The following XYLT1 variants were observed in gnomAD, a reference collection of about 807,000 sequenced individuals.
The protein encoded by XYLT1 is xylosyltransferase 1.
Under a neutral mutation model 91.3 loss-of-function variants are expected in XYLT1, and 36 were observed. The observed-to-expected ratio is 0.39, with a 90% CI of 0.30 to 0.52. The LOEUF is 0.52. Among genes scored for constraint, XYLT1 ranks in the 20% least tolerant of loss-of-function variants. XYLT1 has a pLI of 0.68. For missense variants in XYLT1, 1,242 were observed against 1,284.5 expected, an observed-to-expected ratio of 0.97 and a Z score of 0.51; for synonymous variants, 588 against 532.0, an observed-to-expected ratio of 1.11 and a Z score of -1.45.
At chr16:17,166,031 G>T (rs74010721) in intron 5 of XYLT1, among the ~76,000 whole-genome samples, 2,669 of 152,346 alleles carry the variant, frequency 0.018, 80 homozygotes, top group African/African-American at 0.062. Flanking sequence ...TGATGGAGTT[G>T]GGATGTCTTG....
At chr16:17,221,704 A>C (rs866327890) in intron 3 of XYLT1, among the ~76,000 whole-genome samples, 3 of 152,138 alleles carry the variant, frequency 2.0e-5, no homozygotes, top group South Asian at 2.1e-4. Context: ...ACGCCACTGT[A>C]CTCTAACCTG....
chr16:17,269,818 T>TATTATC (rs1361680760), intron 2 of XYLT1, among the ~76,000 whole-genome samples: 9 of 149,662 alleles, frequency 6.0e-5, no homozygotes, highest in Non-Finnish European at 1.2e-4. Flanking sequence ...TTATTATTAT[T>TATTATC]ATCATTATTT....
rs1394013725 is a variant in XYLT1, at chr16:17,470,734, C to T, written c.63G>A (p.Ala21=). The T allele has an allele frequency of 8.7e-7, 1 of 1,143,480 alleles. No individual in the cohort carries two copies. Among genetic ancestry groups the T allele is most frequent in the Non-Finnish European group, 1.1e-6 (1 of 915,362 alleles). The allele number at this position is 1,143,480 out of a possible 1,614,324, so 70.8% of individuals were successfully genotyped here. ...GCGTCTGCAGCAGCAGCACCGTGAG[C>T]GCCGCGAGCAGCGCCGAGTGCGAGC... ...ARRSHSALLA[A]LTVLLLQTLV... Residue 21 remains alanine, a synonymous_variant, in exon 1 of 12, where the codon GCG becomes GCA. Coordinates refer to ENST00000261381, the MANE Select transcript of XYLT1 (RefSeq NM_022166.4).
At chr16:17,124,507 T>C (rs1214208622) in intron 10 of XYLT1, among the ~76,000 whole-genome samples, 1 of 152,232 alleles carries the variant, frequency 6.6e-6, no homozygotes, top group Non-Finnish European at 1.5e-5. Flanking sequence ...TTTTCCTTTA[T>C]AGGTTACCTG....
chr16:17,282,669 CTG>C (rs1425805123), intron 2 of XYLT1, among the ~76,000 whole-genome samples: 1 of 152,182 alleles, frequency 6.6e-6, no homozygotes, highest in Non-Finnish European at 1.5e-5. Flanking sequence ...CATGGTGTAA[CTG>C]TGAAAATGAG....
chr16:17,314,897 G>T (rs762203667), intron 2 of XYLT1, among the ~76,000 whole-genome samples: 1 of 152,214 alleles, frequency 6.6e-6, no homozygotes, highest in Non-Finnish European at 1.5e-5. Context: ...TGTCAGGCAG[G>T]TGTGTAGGTG....
At chr16:17,253,344 C>G (rs948746797) in intron 3 of XYLT1, among the ~76,000 whole-genome samples, 1 of 152,046 alleles carries the variant, frequency 6.6e-6, no homozygotes, top group African/African-American at 2.4e-5. Flanking sequence ...TCTTATTAAC[C>G]AGCTCACAGG....
intron 1 of XYLT1, among the ~76,000 whole-genome samples, chr16:17,436,524 A>C (rs1364033385): frequency 6.6e-6 from 1 of 152,152 alleles, no homozygotes; most frequent in African/African-American, 2.4e-5. Flanking sequence ...GGTGAAACTG[A>C]ATTTGATCAT....
chr16:17,367,642 G>A (rs971922838), intron 1 of XYLT1, among the ~76,000 whole-genome samples: 2 of 152,202 alleles, frequency 1.3e-5, no homozygotes, highest in Non-Finnish European at 2.9e-5. Context: ...ATCCAAAATC[G>A]TGAGTTCAAG....
intron 5 of XYLT1, among the ~76,000 whole-genome samples, chr16:17,182,777 T>C (rs1308315530): frequency 6.6e-6 from 1 of 151,868 alleles, no homozygotes; most frequent in Non-Finnish European, 1.5e-5. Context: ...AGAATTCCAC[T>C]GGGCACCACC....
intron 6 of XYLT1, among the ~76,000 whole-genome samples, chr16:17,154,943 C>T (rs938489998): frequency 6.6e-6 from 1 of 152,248 alleles, no homozygotes; most frequent in African/African-American, 2.4e-5. Context: ...TTCAAGATCT[C>T]TGCCTCTGTC....
intron 9 of XYLT1, among the ~76,000 whole-genome samples, chr16:17,133,254 T>C (rs2030565043): frequency 6.6e-6 from 1 of 151,880 alleles, no homozygotes; most frequent in Admixed American, 6.6e-5. Flanking sequence ...TTCAGAGAGT[T>C]AGTGAACAAT....
chr16:17,290,955 T>C (rs1367763620), intron 2 of XYLT1, among the ~76,000 whole-genome samples: 2 of 152,212 alleles, frequency 1.3e-5, no homozygotes, highest in African/African-American at 2.4e-5. Context: ...TTATTTATTT[T>C]TGAGACACGG....
intron 3 of XYLT1, among the ~76,000 whole-genome samples, chr16:17,252,272 T>C (rs1338942591): frequency 6.6e-6 from 1 of 152,212 alleles, no homozygotes; most frequent in African/African-American, 2.4e-5. Flanking sequence ...CATTTTACTG[T>C]GCAGACTGAG....
At chr16:17,388,223 A>C (rs537732266) in intron 1 of XYLT1, among the ~76,000 whole-genome samples, 1 of 152,356 alleles carries the variant, frequency 6.6e-6, no homozygotes, top group East Asian at 1.9e-4. Flanking sequence ...GCTAAAACAC[A>C]AAACACACTA....
chr16:17,456,542 T>A (rs2036745848), intron 1 of XYLT1, among the ~76,000 whole-genome samples: 1 of 152,038 alleles, frequency 6.6e-6, no homozygotes, highest in African/African-American at 2.4e-5. Context: ...GGTCCCACTA[T>A]GTTGCCCAGG....
chr16:17,205,509 A>G (rs1006912965), intron 3 of XYLT1, among the ~76,000 whole-genome samples: 1 of 152,254 alleles, frequency 6.6e-6, no homozygotes, highest in Admixed American at 6.5e-5. Context: ...ATGGGTATGT[A>G]TAATCACAGA....
At chr16:17,180,057 T>C (rs1437042060) in intron 5 of XYLT1, among the ~76,000 whole-genome samples, 1 of 152,200 alleles carries the variant, frequency 6.6e-6, no homozygotes, top group African/African-American at 2.4e-5. Context: ...GAAGGTCCCA[T>C]CTCACCAGAT....
At chr16:17,116,796 A>C (rs1567278828) in intron 11 of XYLT1, among the ~76,000 whole-genome samples, 1 of 152,224 alleles carries the variant, frequency 6.6e-6, no homozygotes, top group Non-Finnish European at 1.5e-5. Flanking sequence ...TCTCAGCCTT[A>C]GTAACACAGG....
Sources: allele counts gnomAD v4.1 joint callset (sites outside exome capture counted in the v4.1 genomes callset), GRCh38; gene constraint gnomAD v4.1.1; transcripts MANE v1.5; gene names NCBI Gene and HGNC (gene_info 2026-07-23, HGNC 2026-07-21).